Variants in HDGF observed in about 807,000 individuals in gnomAD.
The protein encoded by HDGF is heparin binding growth factor, also known as hepatoma-derived growth factor.
HDGF carries 5 observed loss-of-function variants against 30.0 expected under a neutral mutation model. That is an observed-to-expected ratio of 0.17 (90% CI 0.09 to 0.35). The LOEUF is 0.35. Ranked by LOEUF, HDGF falls within the 10% of genes least tolerant of loss-of-function variation. The pLI is 1.00. For missense variants in HDGF, 214 were observed against 302.8 expected (o/e 0.71, Z 2.18); for synonymous variants, 133 against 112.7 (o/e 1.18, Z -1.14).
chr1:156,743,693 G>A lies in HDGF; in HGVS notation c.675C>T (p.Thr225=), dbSNP rs755630808. 2 of 1,611,034 alleles carry A rather than the reference G, an allele frequency of 1.2e-6. No homozygotes were observed. Among genetic ancestry groups the A allele is most frequent in the Non-Finnish European group, 1.7e-6 (2 of 1,178,548 alleles). ...TGCCTGGGGCCTCAGCATCTTCCTT[G>A]GTAGCCTCTTCCTCTTCATCCTCCT... The part of the protein sequence containing the change: ...EEEEDEEEEA[T]KEDAEAPGIR... The change falls in exon 5 of 6, where the codon ACC becomes ACT. Residue 225 remains threonine, a synonymous_variant. Coordinates refer to ENST00000357325, the MANE Select transcript of HDGF (RefSeq NM_004494.3).
intron 2 of HDGF, 72 bp downstream of exon 2, chr1:156,745,225 A>C (rs1410428894): frequency 1.2e-6 from 2 of 1,608,688 alleles, no homozygotes; most frequent in Non-Finnish European, 1.7e-6. Flanking sequence ...AGGGGCACCA[A>C]CACCACCTCA....
intron 1 of HDGF, among the ~76,000 whole-genome samples, chr1:156,761,469 C>T (rs751265169): frequency 6.0e-5 from 9 of 151,162 alleles, no homozygotes; most frequent in South Asian, 2.1e-4. Flanking sequence ...ACTAGCCCGG[C>T]GTGGTGGTGG....
At chr1:156,765,187 G>T (rs1420496414) in intron 1 of HDGF, among the ~76,000 whole-genome samples, 1 of 150,178 alleles carries the variant, frequency 6.7e-6, no homozygotes, top group Non-Finnish European at 1.5e-5. Flanking sequence ...CCGCCTCCCG[G>T]GTTCAAGCGA....
chr1:156,752,187 G>T, upstream of HDGF: 1 of 1,551,738 alleles, frequency 6.4e-7, no homozygotes, highest in Non-Finnish European at 8.7e-7. Flanking sequence ...GCGCCGTGCC[G>T]CTCCGCGCAC....
rs559929989 is a variant in HDGF, at chr1:156,751,231, C to G, written c.87+112G>C. 1 of 1,308,366 alleles carries G rather than the reference C, an allele frequency of 7.6e-7. No homozygotes were observed. The highest frequency in any genetic ancestry group is 9.9e-7 in the Non-Finnish European group (1 of 1,006,160). 81.0% of individuals were successfully genotyped at this position (1,308,366 alleles called of 1,614,324 possible). A position where few individuals can be genotyped will look rare whatever the true frequency, so the allele number is the denominator to read the frequency against. ...CGACAGAGAAAGAGCCGGAGACCTA[C>G]AAGCCCCCTGCCCCCACCTCTGCCC... On this transcript the variant is annotated intron_variant, in intron 1 of 5. Coordinates refer to ENST00000357325, the MANE Select transcript of HDGF (RefSeq NM_004494.3). The surrounding 1 kb of genome is among the most constrained non-coding windows in gnomAD (Gnocchi z 4.7).
intron 1 of HDGF, among the ~76,000 whole-genome samples, chr1:156,761,995 C>T (rs891621645): frequency 4.7e-5 from 7 of 150,356 alleles, no homozygotes; most frequent in Admixed American, 1.3e-4. Flanking sequence ...AAAAATTAGC[C>T]GGGCGTGGTG....
At chr1:156,764,629 A>C (rs1651319164) in intron 1 of HDGF, among the ~76,000 whole-genome samples, 1 of 152,208 alleles carries the variant, frequency 6.6e-6, no homozygotes, top group African/African-American at 2.4e-5. Context: ...ATACCCAATA[A>C]GGTGAATCAT....
chr1:156,752,385 A>G (rs544040099), upstream of HDGF: 131 of 1,550,160 alleles, frequency 8.5e-5, no homozygotes, highest in South Asian at 1.4e-3. Flanking sequence ...TCTCTAAGCT[A>G]CTGTCTTGCC....
upstream of HDGF, among the ~76,000 whole-genome samples, chr1:156,756,950 G>A (rs1571560499): frequency 6.6e-6 from 1 of 151,604 alleles, no homozygotes; most frequent in East Asian, 2.0e-4. Flanking sequence ...ACGCCACCAC[G>A]CCCATTTAAT....
Position 156,745,292 on chromosome 1 carries a change from C to T in HDGF, c.164+5G>A. ...CCGACCTATACCCCTTTGGCCTCCA[C>T]TCACGTCTCGTGGGTCCCGAAAAAA... On this transcript the variant is annotated splice_donor_5th_base_variant and intron_variant, in intron 2 of 5. Transcript: ENST00000357325. 1 of 1,613,724 alleles carries T rather than the reference C, an allele frequency of 6.2e-7. No homozygotes were observed. The highest frequency in any genetic ancestry group is 8.5e-7 in the Non-Finnish European group (1 of 1,179,876).
chr1:156,761,442 C>G (rs1558040315), intron 1 of HDGF, among the ~76,000 whole-genome samples: 1 of 150,478 alleles, frequency 6.6e-6, no homozygotes, highest in South Asian at 2.1e-4. Context: ...AACCCCATCT[C>G]TACTAAAAAT....
chr1:156,742,558 T>G lies in HDGF; in HGVS notation c.*891A>C, dbSNP rs951851794. ...TTGTAATTTTCTTTTATTAAAAACA[T>G]TTCCTAAAAAATGTGTCTTTTCCTT... On this transcript the variant is annotated 3_prime_UTR_variant, in exon 6 of 6. Transcript: ENST00000357325. 1 of 152,768 alleles carries G rather than the reference T, an allele frequency of 6.5e-6. No homozygotes were observed. Among genetic ancestry groups the G allele is most frequent in the African/African-American group, 2.4e-5 (1 of 41,432 alleles). 9.5% of individuals were successfully genotyped at this position (152,768 alleles called of 1,614,324 possible). A position where few individuals can be genotyped will look rare whatever the true frequency, so the allele number is the denominator to read the frequency against.
At chr1:156,749,989 T>C (rs1650853278) in intron 1 of HDGF, among the ~76,000 whole-genome samples, 1 of 152,162 alleles carries the variant, frequency 6.6e-6, no homozygotes, top group Non-Finnish European at 1.5e-5. Flanking sequence ...CTCTTTGTAC[T>C]TCACTCCCAA....
rs1014697471 is a variant in HDGF at position 156,743,420 on chromosome 1, G to C, written c.*29C>G. On this transcript the variant is annotated 3_prime_UTR_variant, in exon 6 of 6. Coordinates refer to ENST00000357325, the MANE Select transcript of HDGF (RefSeq NM_004494.3). ...AGCACCCAGACAGCAGCAGGAACAG[G>C]GTGGGGGCTCCTCTTGAAACATTGG... 1.3e-6 allele frequency: 2 copies of C among 1,515,776 alleles called. No homozygotes were observed. The highest frequency in any genetic ancestry group is 1.8e-6 in the Non-Finnish European group (2 of 1,135,004). The allele number at this position is 1,515,776 out of a possible 1,614,324, so 93.9% of individuals were successfully genotyped here. A position where few individuals can be genotyped will look rare whatever the true frequency, so the allele number is the denominator to read the frequency against.
At chr1:156,757,656 G>A (rs1651174589) in intron 2 of HDGF, among the ~76,000 whole-genome samples, 1 of 151,574 alleles carries the variant, frequency 6.6e-6, no homozygotes, top group African/African-American at 2.4e-5. Flanking sequence ...AGCTGGGTGT[G>A]GTTGAGCACA....
Position 156,751,151 on chromosome 1 carries a change from T to C in HDGF, c.87+192A>G, listed in dbSNP as rs1650948298. 1.3e-5 allele frequency among the ~76,000 whole-genome samples: 2 copies of C among 151,788 alleles called. No individual in the cohort carries two copies. Among genetic ancestry groups the C allele is most frequent in the South Asian group, 4.2e-4 (2 of 4,818 alleles). ...GCGGACGCCGTGCCCGCCAGGTGTC[T>C]ACCCCCACCCCCGCCCGCCTCCACC... On this transcript the variant is annotated intron_variant, in intron 1 of 5. Coordinates refer to ENST00000357325, the MANE Select transcript of HDGF (RefSeq NM_004494.3). The surrounding 1 kb of genome is among the most constrained non-coding windows in gnomAD (Gnocchi z 4.7).
intron 3 of HDGF, 161 bp from the exon 4 acceptor site, chr1:156,744,509 G>C: frequency 1.3e-6 from 2 of 1,579,632 alleles, no homozygotes. Flanking sequence ...ACCTCTGTCG[G>C]ATTAGCCCCG....
intron 1 of HDGF, among the ~76,000 whole-genome samples, chr1:156,747,062 T>TC (rs1021592311): frequency 3.3e-5 from 5 of 151,026 alleles, no homozygotes; most frequent in Admixed American, 2.0e-4. Context: ...GTCCAGCCCT[T>TC]CCCCCCCAGG....
chr1:156,763,525 T>A (rs1041408009), intron 1 of HDGF, among the ~76,000 whole-genome samples: 1 of 152,068 alleles, frequency 6.6e-6, no homozygotes, highest in Admixed American at 6.5e-5. Flanking sequence ...TCATTCTGTT[T>A]TACTGGAAAA....
Sources: allele counts gnomAD v4.1 joint callset (sites outside exome capture counted in the v4.1 genomes callset), GRCh38; gene constraint gnomAD v4.1.1; non-coding constraint Gnocchi (gnomAD v3.1); transcripts MANE v1.5; gene names NCBI Gene and HGNC (gene_info 2026-07-23, HGNC 2026-07-21).